The following RASEF variants were observed in gnomAD, a reference collection of about 807,000 sequenced individuals.
The protein encoded by RASEF is RAS and EF-hand domain containing.
Under a neutral mutation model 90.1 loss-of-function variants are expected in RASEF, and 68 were observed. The observed-to-expected ratio is 0.75, with a 90% CI of 0.62 to 0.92. RASEF has a LOEUF of 0.92. Among genes scored for constraint, RASEF ranks in the 40% least tolerant of loss-of-function variants. RASEF has a pLI of 0.00. For synonymous variants in RASEF, 331 were observed against 345.2 expected, an observed-to-expected ratio of 0.96 and a Z score of 0.46; for missense variants, 949 against 937.2, an observed-to-expected ratio of 1.01 and a Z score of -0.16.
chr9:83,146,602 T>C, the RASEF span, among the ~76,000 whole-genome samples: 23 of 152,326 alleles, frequency 1.5e-4, 1 homozygote, highest in South Asian at 3.3e-3. Flanking sequence ...TGAAAACTCT[T>C]ATCGAATATT....
chr9:83,064,283 G>GA (rs1830262765), upstream of RASEF, among the ~76,000 whole-genome samples: 1 of 152,146 alleles, frequency 6.6e-6, no homozygotes, highest in African/African-American at 2.4e-5. Context: ...ACCCCCATCT[G>GA]AAAATTTAAC....
At chr9:83,035,705 T>C (rs1251933962) in intron 1 of RASEF, among the ~76,000 whole-genome samples, 1 of 152,146 alleles carries the variant, frequency 6.6e-6, no homozygotes, top group African/African-American at 2.4e-5. Context: ...GTAGGTATAT[T>C]ATAGTTATTT....
intron 9 of RASEF, among the ~76,000 whole-genome samples, chr9:83,001,937 C>G (rs1164378542): frequency 6.6e-6 from 1 of 152,294 alleles, no homozygotes; most frequent in South Asian, 2.1e-4. Context: ...AAGGCTGGAA[C>G]TCCTGACTTC....
chr9:83,200,683 T>C, the RASEF span, among the ~76,000 whole-genome samples: 1 of 152,120 alleles, frequency 6.6e-6, no homozygotes, highest in Non-Finnish European at 1.5e-5. Flanking sequence ...AAGGAAGAGG[T>C]GATTTTGTCT....
intron 1 of RASEF, among the ~76,000 whole-genome samples, chr9:83,047,127 G>A (rs1829949117): frequency 6.6e-6 from 1 of 152,126 alleles, no homozygotes; most frequent in Admixed American, 6.5e-5. Context: ...TGGTGTGCAC[G>A]TGATGGGAAG....
the RASEF span, among the ~76,000 whole-genome samples, chr9:83,155,209 A>G: frequency 6.6e-6 from 1 of 152,174 alleles, no homozygotes; most frequent in African/African-American, 2.4e-5. Context: ...CAGGGCCATA[A>G]ATACATTTTA....
At chr9:83,067,031 G>A (rs1471764784), upstream of RASEF, among the ~76,000 whole-genome samples, 1 of 152,192 alleles carries the variant, frequency 6.6e-6, no homozygotes, top group Non-Finnish European at 1.5e-5. Context: ...TAACGGGAAT[G>A]AGCAATACCA....
chr9:83,144,947 T>C, the RASEF span, among the ~76,000 whole-genome samples: 1 of 152,198 alleles, frequency 6.6e-6, no homozygotes, highest in East Asian at 1.9e-4. Context: ...TTTGTATAGA[T>C]TTTTACACAA....
chr9:83,053,847 T>G lies in RASEF; in HGVS notation c.431+8590A>C, dbSNP rs376528813. The stretch of plus-strand genomic sequence containing the variant: ...ATGAAATTCTGGGTTGAAAATTCTT[T>G]TCTTTAAGAATGTTGAATATTGGCC... On this transcript the variant is annotated intron_variant, in intron 1 of 16. Coordinates refer to ENST00000376447, the MANE Select transcript of RASEF (RefSeq NM_152573.4). Among the ~76,000 whole-genome samples the G allele has an allele frequency of 1.1e-3, 97 of 91,348 alleles. No homozygotes were observed. In the East Asian group the frequency reaches 0.011, roughly 10 times the overall value. 59.9% of individuals were successfully genotyped at this position (91,348 alleles called of 152,430 possible).
At chr9:83,121,015 G>A in the RASEF span, among the ~76,000 whole-genome samples, 1 of 152,164 alleles carries the variant, frequency 6.6e-6, no homozygotes, top group East Asian at 1.9e-4. Context: ...GATGATGTTT[G>A]CATTCAAAAT....
At chr9:83,213,106 A>C in the RASEF span, among the ~76,000 whole-genome samples, 1 of 151,598 alleles carries the variant, frequency 6.6e-6, no homozygotes, top group Non-Finnish European at 1.5e-5. Context: ...AAAAAAAAAA[A>C]AGAAAGAAAA....
At chr9:83,038,143 C>G (rs1029378033) in intron 1 of RASEF, among the ~76,000 whole-genome samples, 1 of 152,026 alleles carries the variant, frequency 6.6e-6, no homozygotes, top group Admixed American at 6.5e-5. Flanking sequence ...ACGAACACAA[C>G]TTGGTAAGTC....
At chr9:83,124,566 T>C in the RASEF span, among the ~76,000 whole-genome samples, 4 of 152,256 alleles carry the variant, frequency 2.6e-5, no homozygotes, top group African/African-American at 9.6e-5. Context: ...TCCTTGAAGA[T>C]ACAATACTAT....
In RASEF at chr9:83,062,877, C is replaced by CG. The variant is rs1182743466; in HGVS notation, c.-11dup. ...CCCCATCCGCCTCCATCCCGCCTGG[C>CG]GGGGGCGGCCGAGAGGGCTCCGGAG... On this transcript the variant is annotated 5_prime_UTR_variant, in exon 1 of 17. Coordinates refer to ENST00000376447, the MANE Select transcript of RASEF (RefSeq NM_152573.4). 6.8e-7 allele frequency: 1 copy of CG among 1,478,580 alleles called. No homozygotes were observed. Among genetic ancestry groups the CG allele is most frequent in the Non-Finnish European group, 8.9e-7 (1 of 1,124,864 alleles). 91.6% of individuals were successfully genotyped at this position (1,478,580 alleles called of 1,614,324 possible).
At chr9:83,193,166 C>T in the RASEF span, among the ~76,000 whole-genome samples, 1 of 152,198 alleles carries the variant, frequency 6.6e-6, no homozygotes, top group African/African-American at 2.4e-5. Flanking sequence ...CTCCCACACG[C>T]CTTCCTGGCA....
chr9:83,028,773 C>A (rs1317227794), intron 1 of RASEF, among the ~76,000 whole-genome samples: 1 of 152,112 alleles, frequency 6.6e-6, no homozygotes, highest in African/African-American at 2.4e-5. Flanking sequence ...CATGAAGTAC[C>A]TTTATTATCC....
intron 9 of RASEF, 65 bp downstream of exon 9, chr9:83,004,433 G>T: frequency 2.2e-6 from 2 of 926,170 alleles, no homozygotes; most frequent in South Asian, 1.4e-5. Flanking sequence ...CACCTCCAAG[G>T]AAATTTACTT....
chr9:83,136,927 T>C, the RASEF span, among the ~76,000 whole-genome samples: 1 of 152,124 alleles, frequency 6.6e-6, no homozygotes, highest in Non-Finnish European at 1.5e-5. Context: ...AAGCTGTCAA[T>C]CATCCTTTAA....
chr9:83,058,142 C>T (rs1354682116), intron 1 of RASEF, among the ~76,000 whole-genome samples: 2 of 145,854 alleles, frequency 1.4e-5, no homozygotes, highest in African/African-American at 2.5e-5. Context: ...TTCTCTCTTG[C>T]TCTCCGGCTC....
Sources: gnomAD v4.1 joint callset for allele counts (sites outside exome capture counted in the v4.1 genomes callset) on GRCh38, gnomAD v4.1.1 for gene constraint, MANE v1.5 for transcripts, NCBI Gene and HGNC (gene_info 2026-07-23, HGNC 2026-07-21) for gene names.